The following POLR3A variants were observed in gnomAD, a reference collection of about 807,000 sequenced individuals.
POLR3A encodes the protein DNA-directed RNA polymerase III subunit RPC1.
Under a neutral mutation model 152.8 loss-of-function variants are expected in POLR3A, and 112 were observed. That is an observed-to-expected ratio of 0.73 (90% CI 0.63 to 0.86). The LOEUF (loss-of-function observed/expected upper bound fraction) is 0.86, where lower values mean the gene tolerates loss of function less well. Ranked by LOEUF, POLR3A falls within the 40% of genes least tolerant of loss-of-function variation. The pLI is 0.00. For missense variants in POLR3A, 1,385 were observed against 1,743.1 expected (o/e 0.79, Z 3.66); for synonymous variants, 615 against 652.1 (o/e 0.94, Z 0.87).
At chr10:78,024,120 T>C (rs1847606743) in intron 5 of POLR3A, among the ~76,000 whole-genome samples, 1 of 151,968 alleles carries the variant, frequency 6.6e-6, no homozygotes, top group African/African-American at 2.4e-5. Context: ...TCTTAGCACT[T>C]TGGGAGGCTG....
Position 77,977,446 on chromosome 10 carries a change from C to A in POLR3A, c.*32G>T. The A allele has an allele frequency of 6.2e-7, 1 of 1,611,678 alleles. No homozygotes were observed. The highest frequency in any genetic ancestry group is 8.5e-7 in the Non-Finnish European group (1 of 1,178,028). On this transcript the variant is annotated 3_prime_UTR_variant, in exon 31 of 31. Coordinates refer to ENST00000372371, the MANE Select transcript of POLR3A (RefSeq NM_007055.4). ...ATCAGCTGGAGACAGGACAAGGAGT[C>A]AAGGTCAGGCATGGTCCCCTCTTTC... is the stretch of plus-strand genomic sequence containing the variant.
intron 21 of POLR3A, 63 bp downstream of exon 21, chr10:77,990,991 G>T: frequency 1.1e-6 from 1 of 910,884 alleles, no homozygotes; most frequent in Non-Finnish European, 1.8e-6. Context: ...GCCAGCCCTT[G>T]GCAAACAGAG....
intron 9 of POLR3A, 103 bp downstream of exon 9, chr10:78,019,059 C>G (rs781489302): frequency 1.2e-6 from 1 of 849,582 alleles, no homozygotes; most frequent in African/African-American, 1.7e-5. Flanking sequence ...GCCAAAATGT[C>G]ACGCAAACTG....
Position 77,977,364 on chromosome 10 carries a change from C to T in POLR3A, c.*114G>A. The T allele has an allele frequency of 2.8e-6, 3 of 1,057,464 alleles. No individual in the cohort carries two copies. Among genetic ancestry groups the T allele is most frequent in the Admixed American group, 1.7e-5 (1 of 58,672 alleles). The allele number at this position is 1,057,464 out of a possible 1,614,324, so 65.5% of individuals were successfully genotyped here. On this transcript the variant is annotated 3_prime_UTR_variant, in exon 31 of 31. Coordinates refer to ENST00000372371, the MANE Select transcript of POLR3A (RefSeq NM_007055.4). Reference sequence around the variant, plus strand: ...GATGCCAAGAGGGCTTCTCTGATTGCTGGCATAGGTGGGGACCTCAGGACC... The same window carrying T: ...GATGCCAAGAGGGCTTCTCTGATTGTTGGCATAGGTGGGGACCTCAGGACC...
chr10:78,022,085 T>C, intron 6 of POLR3A, 60 bp downstream of exon 6: 1 of 1,614,180 alleles, frequency 6.2e-7, no homozygotes. Flanking sequence ...CACATTTTCT[T>C]GACCAGAAGT....
chr10:78,016,667 C>T (rs1218747434), intron 10 of POLR3A, among the ~76,000 whole-genome samples: 2 of 150,596 alleles, frequency 1.3e-5, no homozygotes, highest in East Asian at 2.0e-4. Flanking sequence ...TGAGCCAAGA[C>T]TGCGACACTG....
intron 29 of POLR3A, 148 bp from the exon 30 acceptor site, chr10:77,980,421 C>G (rs1847129869): frequency 1.4e-6 from 1 of 727,138 alleles, no homozygotes; most frequent in Non-Finnish European, 2.4e-6. Flanking sequence ...ATGGGTCCGC[C>G]CTCTGTGTCC....
chr10:78,002,011 ACCAACAAGTT>A (rs1291321357), intron 17 of POLR3A, among the ~76,000 whole-genome samples, 176 bp downstream of exon 17: 1 of 152,172 alleles, frequency 6.6e-6, no homozygotes, highest in Non-Finnish European at 1.5e-5. Context: ...CAGACACATT[ACCAACAAGTT>A]CCTTCAAAGC....
intron 19 of POLR3A, among the ~76,000 whole-genome samples, chr10:77,993,840 T>C (rs949035782): frequency 6.6e-6 from 1 of 152,158 alleles, no homozygotes; most frequent in African/African-American, 2.4e-5. Flanking sequence ...GACAGTATTG[T>C]GTCTGAACCA....
chr10:77,982,038 CAAAAAAAAAAA>C (rs553149963), intron 28 of POLR3A, 105 bp downstream of exon 28: 50 of 277,032 alleles, frequency 1.8e-4, no homozygotes, highest in African/African-American at 1.5e-3. Context: ...GACTCCATCT[CAAAAAAAAAAA>C]AAAAAAAAAA....
At chr10:78,029,297 C>A in intron 1 of POLR3A, 67 bp downstream of exon 1, 2 of 1,532,528 alleles carry the variant, frequency 1.3e-6, no homozygotes, top group East Asian at 2.2e-5. Context: ...CTGCAAGACC[C>A]GGGACCGCTG....
At chr10:77,995,178 G>C (rs1432380885) in intron 19 of POLR3A, among the ~76,000 whole-genome samples, 1 of 152,134 alleles carries the variant, frequency 6.6e-6, no homozygotes, top group Non-Finnish European at 1.5e-5. Context: ...ACATGGAAAG[G>C]AATAACCGGT....
chr10:77,996,129 A>G (rs1328284551), intron 19 of POLR3A, among the ~76,000 whole-genome samples: 4 of 152,238 alleles, frequency 2.6e-5, no homozygotes, highest in Non-Finnish European at 5.9e-5. Flanking sequence ...CAAAGACACA[A>G]CATACCAGAA....
chr10:77,993,302 A>G lies in POLR3A; in HGVS notation c.2682T>C (p.Thr894=). The change falls in exon 20 of 31, where the codon ACT becomes ACC. Residue 894 remains threonine (T), a synonymous_variant. Transcript: ENST00000372371. ...CATAAATGAACTGGATAATATCGCC[A>G]GTAGAGCTTCGGACTGTCAGATCAT... The part of the protein sequence containing the change: ...SQYDLTVRSS[T]GDIIQFIYGG... The G allele has an allele frequency of 6.2e-7, 1 of 1,612,876 alleles. No individual in the cohort carries two copies. Among genetic ancestry groups the G allele is most frequent in the East Asian group, 2.2e-5 (1 of 44,862 alleles).
rs1847426187 is a variant in POLR3A, at chr10:78,007,854, T to C, written c.1922A>G (p.Gln641Arg). The C allele has an allele frequency of 1.2e-6, 2 of 1,612,650 alleles. No individual in the cohort carries two copies. Among genetic ancestry groups the C allele is most frequent in the Non-Finnish European group, 8.5e-7 (1 of 1,178,654 alleles). The change falls in exon 15 of 31, where the codon CAG becomes CGG. Residue 641 changes from glutamine (Q) to arginine (R), a missense_variant. Physicochemically the swap from Gln to Arg is conservative, Grantham distance 43. Coordinates refer to ENST00000372371, the MANE Select transcript of POLR3A (RefSeq NM_007055.4). The part of the protein sequence containing the change: ...LCANDSYVTI[Q>R]NSELMSGSMD... ...GCTGCCACTCATCAACTCACTGTTC[T>C]GGATTGTAACATCTGGAAGAATGAT...
intron 19 of POLR3A, among the ~76,000 whole-genome samples, chr10:77,993,675 C>A (rs1294047643): frequency 6.6e-6 from 1 of 152,164 alleles, no homozygotes; most frequent in Non-Finnish European, 1.5e-5. Context: ...GGCTGTTTTA[C>A]CTTCCTTCTC....
intron 29 of POLR3A, among the ~76,000 whole-genome samples, chr10:77,980,764 C>A (rs1395922351): frequency 1.3e-5 from 2 of 152,062 alleles, no homozygotes; most frequent in African/African-American, 4.8e-5. Context: ...CAGTTTCCTG[C>A]GACTAAAGCA....
rs1227265458 is a variant in POLR3A at position 78,000,956 on chromosome 10, C to A, written c.2478+20G>T. 1 of 1,216,596 alleles carries A rather than the reference C, an allele frequency of 8.2e-7. No homozygotes were observed. 75.4% of individuals were successfully genotyped at this position (1,216,596 alleles called of 1,614,324 possible). A position where few individuals can be genotyped will look rare whatever the true frequency, so the allele number is the denominator to read the frequency against. ...AGATTAAGAGATCTTCACAGTTCTA[C>A]CTGATCTGCTACTGCTTACCTTTGA... On this transcript the variant is annotated intron_variant, in intron 18 of 30. Coordinates refer to ENST00000372371, the MANE Select transcript of POLR3A (RefSeq NM_007055.4).
In POLR3A at chr10:77,991,061, A is replaced by T. The variant is rs775716393; in HGVS notation, c.2894T>A (p.Phe965Tyr). 1 of 1,592,636 alleles carries T rather than the reference A, an allele frequency of 6.3e-7. No homozygotes were observed. Among genetic ancestry groups the T allele is most frequent in the Non-Finnish European group, 8.6e-7 (1 of 1,160,468 alleles). ...KSEFLCCQDS[F>Y]LQEIKKFIKG... is the part of the protein sequence containing the mutation. ...GCACCTGGCAGAGCTCACCTGCAGGAAGCTGTCCTGGCAGCAGAGGAACTC... is the reference window on the plus strand; with the variant it reads ...GCACCTGGCAGAGCTCACCTGCAGGTAGCTGTCCTGGCAGCAGAGGAACTC... Residue 965 changes from phenylalanine to tyrosine, a missense_variant, in exon 21 of 31, where the codon TTC becomes TAC. Physicochemically the swap from Phe to Tyr is conservative, Grantham distance 22. Coordinates refer to ENST00000372371, the MANE Select transcript of POLR3A (RefSeq NM_007055.4).
Sources: gnomAD v4.1 joint callset for allele counts (sites outside exome capture counted in the v4.1 genomes callset) on GRCh38, gnomAD v4.1.1 for gene constraint, MANE v1.5 for transcripts, NCBI Gene and HGNC (gene_info 2026-07-23, HGNC 2026-07-21) for gene names.